Variants in PTPRD observed in about 807,000 individuals in gnomAD.
PTPRD encodes receptor-type tyrosine-protein phosphatase delta.
Under a neutral mutation model 214.5 loss-of-function variants are expected in PTPRD, and 34 were observed. The ratio of observed to expected loss-of-function variants is 0.16; its 90% confidence interval spans 0.12 to 0.21. The LOEUF (loss-of-function observed/expected upper bound fraction) is 0.21. Ranked by LOEUF, PTPRD falls within the 10% of genes least tolerant of loss-of-function variation. PTPRD has a pLI of 1.00. For synonymous variants in PTPRD, 1,128 were observed against 845.7 expected (o/e 1.33, Z -5.79); for missense variants, 2,545 against 2,398.7 (o/e 1.06, Z -1.27).
chr9:10,062,334 G>A (rs1030932782), intron 3 of PTPRD, among the ~76,000 whole-genome samples: 2 of 152,216 alleles, frequency 1.3e-5, no homozygotes, highest in African/African-American at 4.8e-5. Context: ...GCCAGGTGCA[G>A]TGGCTCGATG....
chr9:8,937,397 G>C (rs2154291244), intron 11 of PTPRD, among the ~76,000 whole-genome samples: 1 of 152,268 alleles, frequency 6.6e-6, no homozygotes, highest in Admixed American at 6.5e-5. Flanking sequence ...AAAATAAGCA[G>C]AGATTAGGGT....
At chr9:10,360,859 T>C (rs1287355483) in intron 2 of PTPRD, among the ~76,000 whole-genome samples, 5 of 152,082 alleles carry the variant, frequency 3.3e-5, no homozygotes, top group African/African-American at 9.7e-5. Flanking sequence ...TCCCAGCACT[T>C]TGGGAGGCCA....
intron 9 of PTPRD, among the ~76,000 whole-genome samples, chr9:9,289,388 G>A (rs956537140): frequency 1.3e-5 from 2 of 151,796 alleles, no homozygotes; most frequent in Non-Finnish European, 2.9e-5. Context: ...TGTATTCAAT[G>A]TGTACAATGT....
chr9:8,677,519 T>A (rs796662173), intron 12 of PTPRD, among the ~76,000 whole-genome samples: 57 of 152,112 alleles, frequency 3.7e-4, no homozygotes, highest in African/African-American at 1.3e-3. Context: ...CAGGGCCTAA[T>A]TGAGGGTGGA....
intron 4 of PTPRD, among the ~76,000 whole-genome samples, chr9:10,000,428 G>A (rs935899516): frequency 4.6e-5 from 7 of 152,034 alleles, no homozygotes; most frequent in African/African-American, 1.7e-4. Flanking sequence ...ACATGGACAA[G>A]CCATTCTTCC....
chr9:8,468,134 G>A (rs1428107724), intron 31 of PTPRD, among the ~76,000 whole-genome samples: 1 of 151,934 alleles, frequency 6.6e-6, no homozygotes. Context: ...TAAAATATTT[G>A]AGCTTTTGGG....
At chr9:8,427,302 G>T (rs72691084) in intron 35 of PTPRD, among the ~76,000 whole-genome samples, 4,962 of 152,284 alleles carry the variant, frequency 0.033, 113 homozygotes, top group East Asian at 0.12. Context: ...ACTGCTGATA[G>T]ATCAGGTGGG....
At chr9:9,038,169 T>C (rs1287887181) in intron 10 of PTPRD, among the ~76,000 whole-genome samples, 1 of 152,004 alleles carries the variant, frequency 6.6e-6, no homozygotes. Context: ...AGTCACACAA[T>C]GTAAGCTGAA....
chr9:9,157,647 C>A lies in PTPRD; in HGVS notation c.-143+25657G>T, dbSNP rs1238239098. Reference sequence around the variant, plus strand: ...TCAAACTTCTCCCATCAAAGAGAAGCCCAGGACCAGATGGCTTCACCACTG... The same window carrying A: ...TCAAACTTCTCCCATCAAAGAGAAGACCAGGACCAGATGGCTTCACCACTG... On this transcript the variant is annotated intron_variant, in intron 10 of 45. Coordinates refer to ENST00000381196, the MANE Select transcript of PTPRD (RefSeq NM_002839.4). 2.0e-5 allele frequency among the ~76,000 whole-genome samples: 3 copies of A among 152,136 alleles called. No homozygotes were observed. In the East Asian group the frequency reaches 5.8e-4, roughly 29 times the overall value.
At chr9:10,574,242 T>A (rs963574899) in intron 2 of PTPRD, among the ~76,000 whole-genome samples, 1 of 151,994 alleles carries the variant, frequency 6.6e-6, no homozygotes, top group Admixed American at 6.6e-5. Flanking sequence ...GTTTTAAGTT[T>A]TCTGGGTCTA....
At chr9:10,073,734 A>G (rs544256834) in intron 3 of PTPRD, among the ~76,000 whole-genome samples, 2 of 152,152 alleles carry the variant, frequency 1.3e-5, no homozygotes, top group East Asian at 1.9e-4. Context: ...ACATGTGCCA[A>G]TAGTTGAGGA....
chr9:9,739,236 T>C (rs1419184815), intron 6 of PTPRD, among the ~76,000 whole-genome samples: 2 of 152,236 alleles, frequency 1.3e-5, no homozygotes, highest in East Asian at 3.8e-4. Context: ...CAAGTGGTGA[T>C]ACTGGGCATC....
At chr9:10,559,699 A>G (rs1421833713) in intron 2 of PTPRD, among the ~76,000 whole-genome samples, 1 of 152,196 alleles carries the variant, frequency 6.6e-6, no homozygotes, top group Non-Finnish European at 1.5e-5. Context: ...AATGAACTCA[A>G]ACAAATTCAG....
chr9:9,452,489 C>A (rs973508445), intron 8 of PTPRD, among the ~76,000 whole-genome samples: 7 of 150,428 alleles, frequency 4.7e-5, no homozygotes, highest in African/African-American at 1.7e-4. Context: ...AAGTATACAT[C>A]AAAAATGAAT....
At position 8,460,571 on chromosome 9, in the gene PTPRD, T is replaced by C; in HGVS notation, c.3715A>G (p.Lys1239Glu). 6.2e-7 allele frequency: 1 copy of C among 1,610,898 alleles called. No individual in the cohort carries two copies. Residue 1239 changes from lysine to glutamate, a missense_variant and splice_region_variant, in exon 33 of 46, where the codon AAG (lysine) becomes GAG (glutamate). Transcript: ENST00000381196. The part of the protein sequence containing the change: ...VLAVMEHAES[K>E]MYATSPYSDP... Reference sequence around the variant, plus strand: ...GAGTAAGGGCTGGTTGCATACATCTTCTGAGGAAAAGCAGAGTCTATTTCA... The same window carrying C: ...GAGTAAGGGCTGGTTGCATACATCTCCTGAGGAAAAGCAGAGTCTATTTCA...
chr9:8,637,952 AC>A (rs1343077010), intron 12 of PTPRD, among the ~76,000 whole-genome samples: 2 of 152,198 alleles, frequency 1.3e-5, no homozygotes, highest in Non-Finnish European at 2.9e-5. Context: ...CAAAGATTGA[AC>A]AAAGTAAATA....
intron 22 of PTPRD, among the ~76,000 whole-genome samples, chr9:8,506,473 G>C (rs965752653): frequency 6.6e-6 from 1 of 152,130 alleles, no homozygotes; most frequent in Non-Finnish European, 1.5e-5. Context: ...AGAAGCAGTA[G>C]ACCCTAACCG....
intron 9 of PTPRD, among the ~76,000 whole-genome samples, chr9:9,203,403 T>G (rs548663291): frequency 6.6e-6 from 1 of 152,206 alleles, no homozygotes; most frequent in South Asian, 2.1e-4. Context: ...GTTTTTGTTA[T>G]GCTTTACCAC....
chr9:10,048,960 G>C lies in PTPRD; in HGVS notation c.-544-15170C>G, dbSNP rs151210284. On this transcript the variant is annotated intron_variant, in intron 3 of 45. Coordinates refer to ENST00000381196, the MANE Select transcript of PTPRD (RefSeq NM_002839.4). ...ATGCCTGGAATTATAAGGTATTTGAGTGATTAGGGAGGAGCCCTGACACTC... is the reference window on the plus strand; with the variant it reads ...ATGCCTGGAATTATAAGGTATTTGACTGATTAGGGAGGAGCCCTGACACTC... Among the ~76,000 whole-genome samples, 62 of 152,230 alleles carry C rather than the reference G, an allele frequency of 4.1e-4. 1 individual carries two copies. The Middle Eastern group carries it at 0.01, about 25-fold the overall frequency.
Sources: gnomAD v4.1 joint callset for allele counts (sites outside exome capture counted in the v4.1 genomes callset) on GRCh38, gnomAD v4.1.1 for gene constraint, MANE v1.5 for transcripts, NCBI Gene and HGNC (gene_info 2026-07-23, HGNC 2026-07-21) for gene names.